The following PARM1 variants were observed in gnomAD, a reference collection of about 807,000 sequenced individuals.
PARM1 encodes the protein WSC4, cell wall integrity and stress response component 4 homolog.
A neutral mutation model predicts 24.6 loss-of-function variants in PARM1; 14 were observed. That is an observed-to-expected ratio of 0.57 (90% confidence interval 0.38 to 0.89). The LOEUF (loss-of-function observed/expected upper bound fraction) is 0.89, where lower values mean the gene tolerates loss of function less well. PARM1 is among the 40% of genes least tolerant of loss of function. The probability of loss-of-function intolerance (pLI) is 0.00; values close to 1 mark genes in which losing one functional copy is unlikely to be tolerated. For missense variants in PARM1, 362 were observed against 380.4 expected (o/e 0.95, Z 0.40); for synonymous variants, 179 against 156.6 (o/e 1.14, Z -1.07).
intron 2 of PARM1, among the ~76,000 whole-genome samples, chr4:75,030,838 G>GC (rs200441060): frequency 6.6e-6 from 1 of 151,948 alleles, no homozygotes; most frequent in African/African-American, 2.4e-5. Context: ...AGGCTCCCCT[G>GC]CCCCCCAGCC....
intron 1 of PARM1, among the ~76,000 whole-genome samples, chr4:74,944,738 G>A (rs1721378938): frequency 6.6e-6 from 1 of 152,048 alleles, no homozygotes; most frequent in Non-Finnish European, 1.5e-5. Flanking sequence ...CAGATTGGAG[G>A]GGTAACAGAA....
intron 1 of PARM1, among the ~76,000 whole-genome samples, chr4:74,991,544 AG>A (rs1387360974): frequency 4.6e-5 from 7 of 152,192 alleles, no homozygotes; most frequent in South Asian, 2.1e-4. Flanking sequence ...GAACCTGAAG[AG>A]GATTCCTTTC....
intron 2 of PARM1, among the ~76,000 whole-genome samples, chr4:75,017,586 C>T (rs1336683033): frequency 6.6e-6 from 1 of 152,196 alleles, no homozygotes; most frequent in Non-Finnish European, 1.5e-5. Context: ...CCTTTCCCTA[C>T]TTAATTTTTC....
rs576134959 is a variant in PARM1, at chr4:75,024,095, C to T, written c.770-9788C>T. 4.6e-5 allele frequency among the ~76,000 whole-genome samples: 7 copies of T among 152,182 alleles called. No individual in the cohort carries two copies. The South Asian group carries it at 1.5e-3, about 32-fold the overall frequency. On this transcript the variant is annotated intron_variant, in intron 2 of 3. Transcript: ENST00000307428. ...GACCATCCTGGCTAACACGGTGAAACCCCGTCTCTACTAAAAAATACCAAA... is the reference window on the plus strand; with the variant it reads ...GACCATCCTGGCTAACACGGTGAAATCCCGTCTCTACTAAAAAATACCAAA...
At chr4:74,979,025 C>T (rs561209039) in intron 1 of PARM1, among the ~76,000 whole-genome samples, 41 of 151,992 alleles carry the variant, frequency 2.7e-4, no homozygotes, top group African/African-American at 9.9e-4. Context: ...CTCAAATAGA[C>T]ACCCTAACAT....
At position 75,032,607 on chromosome 4, in the gene PARM1, T is replaced by C. The variant is rs145917677; in HGVS notation, c.770-1276T>C. Among the ~76,000 whole-genome samples, 232 of 152,326 alleles carry C rather than the reference T, an allele frequency of 1.5e-3. 3 individuals are homozygous for C. The highest frequency in any genetic ancestry group is 7.3e-3 in the East Asian group (38 of 5,192). On this transcript the variant is annotated intron_variant, in intron 2 of 3. Transcript: ENST00000307428. ...TCATATATTTGCATAGCTCTTTAGA[T>C]TGGTACACCTGGCATCTCATTTAAT...
chr4:74,986,565 C>T (rs938557574), intron 1 of PARM1, among the ~76,000 whole-genome samples: 3 of 152,146 alleles, frequency 2.0e-5, no homozygotes, highest in South Asian at 2.1e-4. Context: ...GAAAAACTAA[C>T]GCAAACAGCA....
At chr4:74,948,010 C>T (rs577445198) in intron 1 of PARM1, among the ~76,000 whole-genome samples, 4 of 152,316 alleles carry the variant, frequency 2.6e-5, no homozygotes, top group African/African-American at 4.8e-5. Flanking sequence ...GACTGCTGGA[C>T]GCTTTCAGGC....
intron 1 of PARM1, among the ~76,000 whole-genome samples, chr4:74,996,061 C>T (rs914157901): frequency 2.0e-5 from 3 of 152,142 alleles, no homozygotes; most frequent in African/African-American, 7.2e-5. Flanking sequence ...TCCATCCACA[C>T]CACTATTCTT....
Position 75,039,852 on chromosome 4 carries a change from C to G in PARM1, c.848+5891C>G, listed in dbSNP as rs79694646. 3.8e-3 allele frequency among the ~76,000 whole-genome samples: 575 copies of G among 152,278 alleles called. 2 individuals carry two copies. Among genetic ancestry groups the G allele is most frequent in the African/African-American group, 0.013 (533 of 41,550 alleles). On this transcript the variant is annotated intron_variant, in intron 3 of 3. Transcript: ENST00000307428. ...CCTTTGTAATTTTGAACATGCTGAT[C>G]CCTCTGTGAGAGGTGTTTGGTTCAC...
chr4:74,979,060 A>G (rs752494134), intron 1 of PARM1, among the ~76,000 whole-genome samples: 1 of 152,104 alleles, frequency 6.6e-6, no homozygotes, highest in Non-Finnish European at 1.5e-5. Flanking sequence ...CTAGAGAACC[A>G]AGAGCAAACA....
intron 1 of PARM1, among the ~76,000 whole-genome samples, chr4:74,990,654 T>G: frequency 6.6e-6 from 1 of 151,734 alleles, no homozygotes; most frequent in Non-Finnish European, 1.5e-5. Flanking sequence ...CAGCAGAGAG[T>G]GGGATGTGAG....
chr4:75,035,794 C>T (rs1723357733), intron 3 of PARM1, among the ~76,000 whole-genome samples: 1 of 152,184 alleles, frequency 6.6e-6, no homozygotes, highest in African/African-American at 2.4e-5. Flanking sequence ...AAAGGGCCCG[C>T]TTGACCTGTT....
chr4:74,956,024 T>A (rs1392807317), intron 1 of PARM1: 3 of 152,252 alleles, frequency 2.0e-5, no homozygotes, highest in Non-Finnish European at 4.4e-5. Flanking sequence ...AAATACCAGC[T>A]GAACATACAG....
intron 1 of PARM1, among the ~76,000 whole-genome samples, chr4:74,971,907 A>G (rs1451607123): frequency 1.3e-5 from 2 of 152,248 alleles, no homozygotes; most frequent in African/African-American, 4.8e-5. Context: ...AGCACTGATT[A>G]GCTGGATGGT....
At chr4:75,003,778 CTG>C (rs1198997785) in intron 1 of PARM1, among the ~76,000 whole-genome samples, 1 of 152,208 alleles carries the variant, frequency 6.6e-6, no homozygotes, top group South Asian at 2.1e-4. Context: ...ACTTGGGAAA[CTG>C]TGTAGGTGCG....
chr4:74,990,154 A>G (rs1042291587), intron 1 of PARM1, among the ~76,000 whole-genome samples: 2 of 152,192 alleles, frequency 1.3e-5, no homozygotes, highest in African/African-American at 4.8e-5. Context: ...GGCACCATTA[A>G]TGAAAATAAG....
At chr4:75,038,741 G>T (rs551943211) in intron 3 of PARM1, among the ~76,000 whole-genome samples, 12 of 152,208 alleles carry the variant, frequency 7.9e-5, no homozygotes, top group Non-Finnish European at 1.3e-4. Context: ...TCTACCTTTT[G>T]CAGAACTATC....
At chr4:74,959,629 A>G (rs1721723411) in intron 1 of PARM1, among the ~76,000 whole-genome samples, 1 of 152,196 alleles carries the variant, frequency 6.6e-6, no homozygotes, top group Non-Finnish European at 1.5e-5. Context: ...TTTAGTACAA[A>G]ATTCTCAGCA....
Sources: gnomAD v4.1 joint callset for allele counts (sites outside exome capture counted in the v4.1 genomes callset) on GRCh38, gnomAD v4.1.1 for gene constraint, MANE v1.5 for transcripts, NCBI Gene and HGNC (gene_info 2026-07-23, HGNC 2026-07-21) for gene names.